SV2C: variants seen among roughly 807,000 people sequenced by gnomAD.
SV2C encodes the protein solute carrier family 22 member B3.
Under a neutral mutation model 79.7 loss-of-function variants are expected in SV2C, and 49 were observed. That is an observed-to-expected ratio of 0.61 (90% CI 0.49 to 0.78). The LOEUF is 0.78. SV2C is among the 30% of genes least tolerant of loss of function. The pLI is 0.00. For synonymous variants in SV2C, 334 were observed against 333.2 expected, an observed-to-expected ratio of 1.00 and a Z score of -0.03; for missense variants, 833 against 912.9, an observed-to-expected ratio of 0.91 and a Z score of 1.13.
At chr5:75,898,425 A>G in the SV2C span, among the ~76,000 whole-genome samples, 4 of 152,146 alleles carry the variant, frequency 2.6e-5, no homozygotes, top group Admixed American at 2.6e-4. Flanking sequence ...AGCCCACTTG[A>G]TCATGGTGGA....
the SV2C span, among the ~76,000 whole-genome samples, chr5:75,894,130 A>G: frequency 1.3e-5 from 2 of 152,046 alleles, no homozygotes; most frequent in African/African-American, 4.8e-5. Flanking sequence ...GACAGATTGG[A>G]GAGAAGACAG....
At chr5:76,214,516 T>G (rs1442352832) in intron 4 of SV2C, among the ~76,000 whole-genome samples, 1 of 152,218 alleles carries the variant, frequency 6.6e-6, no homozygotes, top group African/African-American at 2.4e-5. Flanking sequence ...CAGGGTCTTT[T>G]GTTGTTCCAT....
At chr5:76,113,810 G>A (rs564515801) in intron 1 of SV2C, among the ~76,000 whole-genome samples, 1 of 152,282 alleles carries the variant, frequency 6.6e-6, no homozygotes, top group East Asian at 1.9e-4. Context: ...TGACAATAAA[G>A]AGAAGGTTTT....
chr5:76,238,320 A>G (rs6886829), intron 4 of SV2C, among the ~76,000 whole-genome samples: 17,121 of 150,004 alleles, frequency 0.11, 2,795 homozygotes, highest in African/African-American at 0.37. Flanking sequence ...GTGTGTGTGT[A>G]TGTGTGTATG....
At chr5:76,308,182 T>C (rs1936128553) in intron 12 of SV2C, among the ~76,000 whole-genome samples, 1 of 152,200 alleles carries the variant, frequency 6.6e-6, no homozygotes, top group Non-Finnish European at 1.5e-5. Context: ...GACTCCTCTC[T>C]GGCAAGCGAA....
At chr5:76,303,753 A>G (rs901230128) in intron 12 of SV2C, among the ~76,000 whole-genome samples, 18 of 152,170 alleles carry the variant, frequency 1.2e-4, no homozygotes, top group African/African-American at 3.9e-4. Context: ...ATAAAAACAA[A>G]TGTTGCTTAT....
intron 3 of SV2C, among the ~76,000 whole-genome samples, chr5:76,197,984 G>C (rs1744324985): frequency 6.6e-6 from 1 of 152,180 alleles, no homozygotes; most frequent in African/African-American, 2.4e-5. Flanking sequence ...TGTTGTCCAA[G>C]GACAGGAGAG....
In SV2C at chr5:76,131,592, T is replaced by C. The variant is rs1366659134; in HGVS notation, c.-101-58T>C. 3 of 460,496 alleles carry C rather than the reference T, an allele frequency of 6.5e-6. No homozygotes were observed. In the Admixed American group the frequency reaches 1.2e-4, roughly 18 times the overall value. 28.5% of individuals were successfully genotyped at this position (460,496 alleles called of 1,614,324 possible). The stretch of plus-strand genomic sequence containing the variant: ...TGAAAAGAGGTCAAGAAATAGACGG[T>C]AAAAAATATATATATAGAAAGGAAT... On this transcript the variant is annotated intron_variant, in intron 1 of 12. Transcript: ENST00000502798.
chr5:76,104,581 A>G (rs901847163), intron 1 of SV2C, among the ~76,000 whole-genome samples: 2 of 152,186 alleles, frequency 1.3e-5, no homozygotes, highest in Non-Finnish European at 2.9e-5. Context: ...ATACTAGTGA[A>G]TAGAGCTTTA....
At chr5:76,315,771 A>C (rs1748599173) in intron 12 of SV2C, among the ~76,000 whole-genome samples, 1 of 152,218 alleles carries the variant, frequency 6.6e-6, no homozygotes, top group Non-Finnish European at 1.5e-5. Flanking sequence ...AGGGAGTTTA[A>C]CAAGAGCCTA....
At chr5:75,874,679 C>T in the SV2C span, among the ~76,000 whole-genome samples, 7 of 152,100 alleles carry the variant, frequency 4.6e-5, no homozygotes, top group Non-Finnish European at 7.4e-5. Context: ...CCCAAAAAAG[C>T]TCCTCCAGCT....
chr5:76,059,027 T>C, the SV2C span, among the ~76,000 whole-genome samples: 1 of 152,106 alleles, frequency 6.6e-6, no homozygotes. Context: ...AAAGTTATGT[T>C]TATACTATAT....
intron 1 of SV2C, among the ~76,000 whole-genome samples, chr5:76,114,638 A>C (rs1455069036): frequency 6.6e-6 from 1 of 152,238 alleles, no homozygotes; most frequent in Non-Finnish European, 1.5e-5. Context: ...CAGGCAGACA[A>C]GTAGACATTC....
the SV2C span, among the ~76,000 whole-genome samples, chr5:76,031,943 A>C: frequency 6.6e-6 from 1 of 152,202 alleles, no homozygotes; most frequent in Admixed American, 6.5e-5. Context: ...TATGGATTCC[A>C]TTCTCATAGC....
the SV2C span, among the ~76,000 whole-genome samples, chr5:75,983,485 G>A: frequency 5.3e-5 from 8 of 152,038 alleles, no homozygotes; most frequent in African/African-American, 1.9e-4. Flanking sequence ...ATGGTCATGA[G>A]TGCAGAAGAT....
chr5:76,219,179 G>A (rs565569356), intron 4 of SV2C, among the ~76,000 whole-genome samples: 9 of 152,310 alleles, frequency 5.9e-5, no homozygotes, highest in African/African-American at 2.2e-4. Context: ...ATTTCACTGA[G>A]TGTTACAGCC....
the SV2C span, among the ~76,000 whole-genome samples, chr5:76,064,796 C>T: frequency 2.0e-5 from 3 of 152,102 alleles, no homozygotes; most frequent in African/African-American, 4.8e-5. Context: ...GTTCTGAGAA[C>T]ATCAAAATGC....
chr5:76,227,655 C>T lies in SV2C; in HGVS notation c.913+17768C>T, dbSNP rs141763386. On this transcript the variant is annotated intron_variant, in intron 4 of 12. Coordinates refer to ENST00000502798, the MANE Select transcript of SV2C (RefSeq NM_014979.4). ...ACAATGCATGAGCCAGATAAGCCCACGGTGAGTGTTTTGCTGACTTGAGTC... is the reference window on the plus strand; with the variant it reads ...ACAATGCATGAGCCAGATAAGCCCATGGTGAGTGTTTTGCTGACTTGAGTC... Among the ~76,000 whole-genome samples, 634 of 152,296 alleles carry T rather than the reference C, an allele frequency of 4.2e-3. 4 individuals carry two copies. The highest frequency in any genetic ancestry group is 5.5e-3 in the Non-Finnish European group (371 of 68,032).
rs763661824 is a variant in SV2C, at chr5:76,329,441, T to C, written c.*3894T>C. 3 of 152,224 alleles carry C rather than the reference T, an allele frequency of 2.0e-5. No individual in the cohort carries two copies. Among genetic ancestry groups the C allele is most frequent in the Non-Finnish European group, 4.4e-5 (3 of 68,042 alleles). 9.4% of individuals were successfully genotyped at this position (152,224 alleles called of 1,614,324 possible). ...CAGTTTTTCAGTGATTTTACCTATA[T>C]TGGCAAATAGACAAATCTCACCAAA... On this transcript the variant is annotated 3_prime_UTR_variant, in exon 13 of 13. Transcript: ENST00000502798.
Sources: allele counts gnomAD v4.1 joint callset (sites outside exome capture counted in the v4.1 genomes callset), GRCh38; gene constraint gnomAD v4.1.1; transcripts MANE v1.5; gene names NCBI Gene and HGNC (gene_info 2026-07-23, HGNC 2026-07-21).